RFWD3: variants seen among roughly 807,000 people sequenced by gnomAD.
RFWD3 encodes ring finger and WD repeat domain 3.
In RFWD3, 65 loss-of-function variants were observed where a neutral mutation model predicts 87.7. The observed-to-expected ratio is 0.74, with a 90% CI of 0.61 to 0.91. RFWD3 has a LOEUF of 0.91. Among genes scored for constraint, RFWD3 ranks in the 40% least tolerant of loss-of-function variants. The pLI is 0.00. For missense variants in RFWD3, 1,078 were observed against 938.5 expected, an observed-to-expected ratio of 1.15 and a Z score of -1.94; for synonymous variants, 433 against 352.8, an observed-to-expected ratio of 1.23 and a Z score of -2.55.
intron 2 of RFWD3, among the ~76,000 whole-genome samples, chr16:74,655,555 T>G (rs796849805): frequency 6.6e-6 from 1 of 151,648 alleles, no homozygotes; most frequent in African/African-American, 2.4e-5. Flanking sequence ...CTGAAGCCGA[T>G]GCTCTTTTAC....
At chr16:74,659,456 C>A (rs955497425) in intron 2 of RFWD3, among the ~76,000 whole-genome samples, 1 of 152,084 alleles carries the variant, frequency 6.6e-6, no homozygotes, top group African/African-American at 2.4e-5. Context: ...ATAGCCAAGC[C>A]TGCTGGTGCA....
intron 12 of RFWD3, 102 bp from the exon 13 acceptor site, chr16:74,624,173 C>G: frequency 7.3e-7 from 1 of 1,367,578 alleles, no homozygotes; most frequent in East Asian, 2.5e-5. Context: ...AGAGAGAACA[C>G]TACCTGGAGA....
intron 11 of RFWD3, among the ~76,000 whole-genome samples, chr16:74,626,948 C>T (rs1958958155): frequency 6.6e-6 from 1 of 152,156 alleles, no homozygotes; most frequent in African/African-American, 2.4e-5. Context: ...CCTGGGACTG[C>T]ACATTTTTAT....
intron 1 of RFWD3, among the ~76,000 whole-genome samples, chr16:74,661,751 G>C (rs1307792894): frequency 6.6e-6 from 1 of 152,130 alleles, no homozygotes; most frequent in African/African-American, 2.4e-5. Context: ...AAACTACTGG[G>C]TCTAAAAGTA....
At chr16:74,626,787 T>C (rs1958950884) in intron 11 of RFWD3, among the ~76,000 whole-genome samples, 1 of 150,072 alleles carries the variant, frequency 6.7e-6, no homozygotes, top group South Asian at 2.1e-4. Flanking sequence ...TCAAGTTATC[T>C]ACAATAGCTT....
At chr16:74,640,187 G>A (rs1240643260) in intron 6 of RFWD3, among the ~76,000 whole-genome samples, 2 of 150,776 alleles carry the variant, frequency 1.3e-5, no homozygotes, top group Admixed American at 1.3e-4. Context: ...CTGTTGCCCA[G>A]GTTGGAGTGC....
At chr16:74,630,179 T>G (rs758019843) in intron 10 of RFWD3, among the ~76,000 whole-genome samples, 5 of 152,038 alleles carry the variant, frequency 3.3e-5, no homozygotes, top group Non-Finnish European at 7.4e-5. Context: ...CACCGCAACC[T>G]CCGCCTCCGA....
rs192767426 is a variant in RFWD3 at position 74,641,325 on chromosome 16, G to C, written c.1079+3037C>G. Among the ~76,000 whole-genome samples the C allele has an allele frequency of 4.6e-5, 7 of 152,068 alleles. No individual in the cohort carries two copies. In the South Asian group the frequency reaches 1.5e-3, roughly 32 times the overall value. ...CTACAGGTGCGTGCCACCATGCCCG[G>C]CTAATTTTTGTATTTTTAGTAGAAA... On this transcript the variant is annotated intron_variant, in intron 6 of 12. Coordinates refer to ENST00000361070, the MANE Select transcript of RFWD3 (RefSeq NM_018124.4).
At position 74,652,073 on chromosome 16, in the gene RFWD3, C is replaced by T; in HGVS notation, c.568G>A (p.Asp190Asn). 1 of 1,614,110 alleles carries T rather than the reference C, an allele frequency of 6.2e-7. No homozygotes were observed. The highest frequency in any genetic ancestry group is 8.5e-7 in the Non-Finnish European group (1 of 1,180,024). Residue 190 changes from aspartate (D) to asparagine (N), a missense_variant, in exon 3 of 13, where the codon GAC becomes AAC. Transcript: ENST00000361070. ...GAATCATAAGTGGTAGCTGGCAAGT[C>T]AGGCTGGGTCCTGCTCACCTGAAAG... ...AYFQVSRTQP[D>N]LPATTYDSET... is the part of the protein sequence containing the mutation.
chr16:74,646,566 T>C (rs896987969), intron 4 of RFWD3, among the ~76,000 whole-genome samples: 1 of 152,022 alleles, frequency 6.6e-6, no homozygotes. Context: ...GGCAGGCGGA[T>C]CATGAAGTCA....
Position 74,626,564 on chromosome 16 carries a change from AG to A in RFWD3, c.1970-11del. On this transcript the variant is annotated splice_polypyrimidine_tract_variant and intron_variant, in intron 11 of 12. Transcript: ENST00000361070. ...GTGGTGTGATTTTTATCTATGGGAC[AG>A]AGAAATCAGTGCTGCACCATGGGGA... 1 of 1,610,984 alleles carries A rather than the reference AG, an allele frequency of 6.2e-7. No homozygotes were observed. The highest frequency in any genetic ancestry group is 8.5e-7 in the Non-Finnish European group (1 of 1,177,188).
At chr16:74,642,609 T>C (rs912716276) in intron 6 of RFWD3, among the ~76,000 whole-genome samples, 1 of 152,114 alleles carries the variant, frequency 6.6e-6, no homozygotes, top group Non-Finnish European at 1.5e-5. Context: ...CAAGAAATCC[T>C]CTCTCCTGAG....
chr16:74,628,794 G>C, intron 10 of RFWD3, 128 bp from the exon 11 acceptor site: 1 of 699,320 alleles, frequency 1.4e-6, no homozygotes, highest in Non-Finnish European at 2.4e-6. Context: ...ACTATCCTCT[G>C]ATATCTGATA....
chr16:74,628,270 G>C (rs981998822), intron 11 of RFWD3, among the ~76,000 whole-genome samples, 182 bp downstream of exon 11: 2 of 152,188 alleles, frequency 1.3e-5, no homozygotes, highest in Non-Finnish European at 2.9e-5. Context: ...TAAGGAGCAG[G>C]GAGGCAGGCT....
chr16:74,631,997 G>A (rs867456219), intron 9 of RFWD3, among the ~76,000 whole-genome samples: 31 of 152,250 alleles, frequency 2.0e-4, no homozygotes, highest in Middle Eastern at 3.4e-3. Flanking sequence ...TAGTTTCAAA[G>A]AAACAGGAAA....
chr16:74,633,589 T>G (rs1270262926), intron 8 of RFWD3, among the ~76,000 whole-genome samples: 2 of 152,066 alleles, frequency 1.3e-5, no homozygotes, highest in East Asian at 3.8e-4. Context: ...CAGTGACTGC[T>G]GGGGATGGGA....
chr16:74,643,340 C>T (rs1398078421), intron 6 of RFWD3, among the ~76,000 whole-genome samples: 2 of 152,188 alleles, frequency 1.3e-5, no homozygotes, highest in Non-Finnish European at 2.9e-5. Context: ...CACAGGACAA[C>T]ATATGCACAT....
rs1959941434 is a variant in RFWD3, at chr16:74,644,466, A to T, written c.988-13T>A. On this transcript the variant is annotated splice_polypyrimidine_tract_variant and intron_variant, in intron 5 of 12. Coordinates refer to ENST00000361070, the MANE Select transcript of RFWD3 (RefSeq NM_018124.4). ...CTTTCTTGTTGCACTAAAGAACCCA[A>T]TAGGACATAATTAGAGTGGTTCTAG... The T allele has an allele frequency of 6.2e-7, 1 of 1,614,110 alleles. No homozygotes were observed. Among genetic ancestry groups the T allele is most frequent in the South Asian group, 1.1e-5 (1 of 91,090 alleles).
At position 74,644,733 on chromosome 16, in the gene RFWD3, T is replaced by A. The variant is rs772460092; in HGVS notation, c.795A>T (p.Pro265=). Reference sequence around the variant, plus strand: ...GCAGAGGCTCAGACTTCTGGGGAGATGGCTAGATGGAAAGCAGAATATATT... The same window carrying A: ...GCAGAGGCTCAGACTTCTGGGGAGAAGGCTAGATGGAAAGCAGAATATATT... ...IDGGKTLPKQ[P]SPQKSEPLLP... is the part of the protein sequence containing the mutation. The change falls in exon 5 of 13, where the codon CCA becomes CCT. Residue 265 remains proline (P), a splice_region_variant and synonymous_variant. Transcript: ENST00000361070. The A allele has an allele frequency of 1.2e-6, 2 of 1,606,904 alleles. No homozygotes were observed. The highest frequency in any genetic ancestry group is 3.4e-5 in the Admixed American group (2 of 59,342).
Sources: gnomAD v4.1 joint callset for allele counts (sites outside exome capture counted in the v4.1 genomes callset) on GRCh38, gnomAD v4.1.1 for gene constraint, MANE v1.5 for transcripts, NCBI Gene and HGNC (gene_info 2026-07-23, HGNC 2026-07-21) for gene names.